The following PCDHGA11 variants were observed in gnomAD, a reference collection of about 807,000 sequenced individuals.
The protein encoded by PCDHGA11 is protocadherin gamma-A11.
A neutral mutation model predicts 60.4 loss-of-function variants in PCDHGA11; 39 were observed. The ratio of observed to expected loss-of-function variants is 0.65; its 90% CI spans 0.50 to 0.84. PCDHGA11 has a LOEUF of 0.84. Ranked by LOEUF, PCDHGA11 falls within the 40% of genes least tolerant of loss-of-function variation. The pLI is 0.00. For missense variants in PCDHGA11, 1,165 were observed against 1,197.7 expected, an observed-to-expected ratio of 0.97 and a Z score of 0.40; for synonymous variants, 533 against 510.3, an observed-to-expected ratio of 1.04 and a Z score of -0.60.
rs762413085 is a variant in PCDHGA11 at position 141,422,090 on chromosome 5, A to T, written c.863A>T (p.Lys288Met). 1 of 1,611,852 alleles carries T rather than the reference A, an allele frequency of 6.2e-7. No individual in the cohort carries two copies. Among genetic ancestry groups the T allele is most frequent in the East Asian group, 2.2e-5 (1 of 44,864 alleles). ...VMYSFRNMESKASEIFQLDSQ... is the reference protein window; with the variant it reads ...VMYSFRNMESMASEIFQLDSQ... ...TATTCATTTCGGAACATGGAAAGCAAGGCTTCTGAAATATTCCAATTGGAT... is the reference window on the plus strand; with the variant it reads ...TATTCATTTCGGAACATGGAAAGCATGGCTTCTGAAATATTCCAATTGGAT... Residue 288 changes from lysine to methionine, a missense_variant, in exon 1 of 4, where the codon AAG becomes ATG. Coordinates refer to ENST00000398587, the MANE Select transcript of PCDHGA11 (RefSeq NM_018914.3).
chr5:141,483,501 G>A (rs1022338958), intron 1 of PCDHGA11, among the ~76,000 whole-genome samples: 2 of 150,394 alleles, frequency 1.3e-5, no homozygotes, highest in Admixed American at 1.3e-4. Context: ...ATGAGTCAAG[G>A]CTGATCCCCC....
rs951964805 is a variant in PCDHGA11, at chr5:141,512,109, C to A, written c.*936C>A. The A allele has an allele frequency of 1.0e-4, 16 of 152,656 alleles. No individual in the cohort carries two copies. The highest frequency in any genetic ancestry group is 1.5e-5 in the Non-Finnish European group (1 of 68,058). 9.5% of individuals were successfully genotyped at this position (152,656 alleles called of 1,614,324 possible). Reference sequence around the variant, plus strand: ...ACCAATAACTAGGCTGGACCCTTCCCACTACATAATAGGGCTCAGCCCAGG... The same window carrying A: ...ACCAATAACTAGGCTGGACCCTTCCAACTACATAATAGGGCTCAGCCCAGG... On this transcript the variant is annotated 3_prime_UTR_variant, in exon 4 of 4. Coordinates refer to ENST00000398587, the MANE Select transcript of PCDHGA11 (RefSeq NM_018914.3).
chr5:141,466,518 T>C (rs1430823209), intron 1 of PCDHGA11, among the ~76,000 whole-genome samples: 2 of 152,222 alleles, frequency 1.3e-5, no homozygotes, highest in Admixed American at 6.5e-5. Flanking sequence ...TCATTTTTTT[T>C]CCTCCCAAAT....
At chr5:141,445,632 T>C (rs940642775) in intron 1 of PCDHGA11, among the ~76,000 whole-genome samples, 19 of 152,116 alleles carry the variant, frequency 1.2e-4, no homozygotes, top group Admixed American at 1.1e-3. Flanking sequence ...GAAAGTGATA[T>C]TTAGAGAGAT....
At chr5:141,499,025 G>A (rs561539084) in intron 2 of PCDHGA11, among the ~76,000 whole-genome samples, 4 of 140,712 alleles carry the variant, frequency 2.8e-5, no homozygotes, top group Admixed American at 1.4e-4. Context: ...AGGAAGGAAG[G>A]AAGAAAAGAA....
intron 1 of PCDHGA11, among the ~76,000 whole-genome samples, chr5:141,462,538 C>G (rs565849689): frequency 1.3e-5 from 2 of 152,102 alleles, no homozygotes; most frequent in South Asian, 2.1e-4. Context: ...GTTCAGTGAT[C>G]TTTTCTTCTT....
rs2096587022 is a variant in PCDHGA11 at position 141,421,597 on chromosome 5, AT to A, written c.371del (p.Ile124LysfsTer2). 6.2e-7 allele frequency: 1 copy of A among 1,613,878 alleles called. No homozygotes were observed. Among genetic ancestry groups the A allele is most frequent in the Non-Finnish European group, 8.5e-7 (1 of 1,179,834 alleles). On this transcript the variant is annotated frameshift_variant, in exon 1 of 4. Coordinates refer to ENST00000398587, the MANE Select transcript of PCDHGA11 (RefSeq NM_018914.3). LOFTEE classifies it high-confidence loss of function. The stretch of plus-strand genomic sequence containing the variant: ...GAAGATTTACGGAGTGGAGGTGGAA[AT>A]AATAGATATTAATGATAACGCCCCC... Reference protein sequence around the residue: ...TLKIYGVEVEIIDINDNAPSF... With the variant: ...TLKIYGVEVEXIDINDNAPSF...
intron 1 of PCDHGA11, among the ~76,000 whole-genome samples, chr5:141,467,903 C>G (rs1256664266): frequency 6.6e-6 from 1 of 152,156 alleles, no homozygotes. Context: ...AAGAAATCCG[C>G]CCACCTCAGC....
chr5:141,449,588 CAA>C (rs768743917), intron 1 of PCDHGA11, among the ~76,000 whole-genome samples: 5 of 57,502 alleles, frequency 8.7e-5, no homozygotes, highest in Admixed American at 1.8e-4. Flanking sequence ...GACTCTGTCT[CAA>C]AAAAAAAAAA....
chr5:141,442,164 C>A, intron 1 of PCDHGA11: 1 of 156,542 alleles, frequency 6.4e-6, no homozygotes, highest in Non-Finnish European at 1.4e-5. Context: ...GATCACTCTG[C>A]AAAGCTACAG....
chr5:141,447,360 A>G (rs1471046883), intron 1 of PCDHGA11, among the ~76,000 whole-genome samples: 1 of 151,914 alleles, frequency 6.6e-6, no homozygotes, highest in Non-Finnish European at 1.5e-5. Context: ...GCTGGTCTCA[A>G]ACTCCTGACC....
intron 1 of PCDHGA11, among the ~76,000 whole-genome samples, chr5:141,435,833 A>G (rs1354866725): frequency 6.6e-6 from 1 of 152,112 alleles, no homozygotes; most frequent in Non-Finnish European, 1.5e-5. Flanking sequence ...TTTGCTGCCT[A>G]TCTACTTTGA....
At chr5:141,449,588 CAAAAAAA>C (rs768743917) in intron 1 of PCDHGA11, among the ~76,000 whole-genome samples, 5 of 57,506 alleles carry the variant, frequency 8.7e-5, no homozygotes, top group Admixed American at 3.6e-4. Flanking sequence ...GACTCTGTCT[CAAAAAAA>C]AAAAAAAAAA....
intron 3 of PCDHGA11, among the ~76,000 whole-genome samples, chr5:141,509,583 A>G (rs1008344833): frequency 7.2e-5 from 11 of 152,320 alleles, no homozygotes; most frequent in African/African-American, 2.4e-4. Flanking sequence ...CGTACAAATC[A>G]GCTGGCAATT....
At chr5:141,494,940 AG>A (rs888721888) in intron 2 of PCDHGA11, 75 bp downstream of exon 2, 1 of 1,610,860 alleles carries the variant, frequency 6.2e-7, no homozygotes, top group Non-Finnish European at 8.5e-7. Flanking sequence ...GAGATGGGGG[AG>A]GGCCCAGCAT....
chr5:141,511,373 G>T lies in PCDHGA11; in HGVS notation c.*200G>T. On this transcript the variant is annotated 3_prime_UTR_variant, in exon 4 of 4. Transcript: ENST00000398587. ...CCCCCAGGGGGTTGAATATGCAAAA[G>T]CAGTTCCGCTGGGAACCCCCATCCA... 8.0e-7 allele frequency: 1 copy of T among 1,251,332 alleles called. No homozygotes were observed. The highest frequency in any genetic ancestry group is 1.6e-5 in the South Asian group (1 of 63,796). The allele number at this position is 1,251,332 out of a possible 1,614,324, so 77.5% of individuals were successfully genotyped here.
intron 1 of PCDHGA11, among the ~76,000 whole-genome samples, chr5:141,494,568 C>T (rs2099755322): frequency 6.6e-6 from 1 of 152,138 alleles, no homozygotes; most frequent in African/African-American, 2.4e-5. Context: ...GGAAAGGAGT[C>T]TCAGCTTGCT....
At chr5:141,449,349 G>C (rs191322076) in intron 1 of PCDHGA11, among the ~76,000 whole-genome samples, 2 of 152,074 alleles carry the variant, frequency 1.3e-5, no homozygotes, top group African/African-American at 4.8e-5. Flanking sequence ...GCTCACTCCT[G>C]TAATCCCAGC....
At position 141,445,006 on chromosome 5, in the gene PCDHGA11, G is replaced by A. The variant is rs550056654; in HGVS notation, c.2433+21346G>A. Among the ~76,000 whole-genome samples, 51 of 152,044 alleles carry A rather than the reference G, an allele frequency of 3.4e-4. 2 individuals are homozygous for A. The South Asian group carries it at 9.6e-3, about 28-fold the overall frequency. ...CATGGTATATATTTCCATTTAATTA[G>A]GTCTTTAATTTCTCTCAGCTATGTT... On this transcript the variant is annotated intron_variant, in intron 1 of 3. Transcript: ENST00000398587.
Sources: allele counts gnomAD v4.1 joint callset (sites outside exome capture counted in the v4.1 genomes callset), GRCh38; gene constraint gnomAD v4.1.1; transcripts MANE v1.5; gene names NCBI Gene and HGNC (gene_info 2026-07-23, HGNC 2026-07-21).